The following CTNNA3 variants were observed in gnomAD, a reference collection of about 807,000 sequenced individuals.
CTNNA3 encodes catenin alpha 3.
A neutral mutation model predicts 95.7 loss-of-function variants in CTNNA3; 76 were observed. The observed-to-expected ratio is 0.79, with a 90% confidence interval of 0.66 to 0.96. The LOEUF (loss-of-function observed/expected upper bound fraction) is 0.96, where lower values mean the gene tolerates loss of function less well. Among genes scored for constraint, CTNNA3 ranks in the 40% least tolerant of loss-of-function variants. CTNNA3 has a pLI of 0.00. For missense variants in CTNNA3, 1,191 were observed against 1,089.8 expected (o/e 1.09, Z -1.31); for synonymous variants, 431 against 374.4 (o/e 1.15, Z -1.74).
intron 12 of CTNNA3, among the ~76,000 whole-genome samples, chr10:66,375,933 AACCTGTATTTGCCATC>A (rs1256845382): frequency 6.6e-6 from 1 of 152,288 alleles, no homozygotes; most frequent in East Asian, 1.9e-4. Flanking sequence ...TTGATGAATG[AACCTGTATTTGCCATC>A]ACTGCCAGTT....
intron 9 of CTNNA3, among the ~76,000 whole-genome samples, chr10:66,682,380 G>A (rs1184391138): frequency 1.3e-5 from 2 of 152,076 alleles, no homozygotes; most frequent in East Asian, 1.9e-4. Flanking sequence ...AAATCTTGTT[G>A]TATAAGAATT....
At chr10:66,331,371 T>G (rs2092328424) in intron 12 of CTNNA3, among the ~76,000 whole-genome samples, 1 of 74,844 alleles carries the variant, frequency 1.3e-5, no homozygotes, top group East Asian at 5.0e-4. Flanking sequence ...TTTTTTTTTT[T>G]GAGACGGAGT....
intron 12 of CTNNA3, among the ~76,000 whole-genome samples, chr10:66,309,562 CACCT>C (rs2091979413): frequency 6.6e-6 from 1 of 151,494 alleles, no homozygotes; most frequent in African/African-American, 2.4e-5. Context: ...TGGTGGCGGG[CACCT>C]GTAGTCCCAG....
At chr10:67,444,898 A>G (rs1846680806) in intron 5 of CTNNA3, among the ~76,000 whole-genome samples, 1 of 152,168 alleles carries the variant, frequency 6.6e-6, no homozygotes, top group Non-Finnish European at 1.5e-5. Flanking sequence ...GATCCAAGCC[A>G]TAATAAAGTG....
intron 15 of CTNNA3, among the ~76,000 whole-genome samples, chr10:66,062,075 T>G (rs545260571): frequency 1.3e-5 from 2 of 152,234 alleles, no homozygotes; most frequent in South Asian, 4.2e-4. Context: ...GGGCAATTTA[T>G]CTGACCTCTA....
chr10:67,576,941 T>A (rs1181672023), intron 3 of CTNNA3, among the ~76,000 whole-genome samples: 1 of 133,928 alleles, frequency 7.5e-6, no homozygotes, highest in Non-Finnish European at 1.5e-5. Context: ...ATTTTCTTAA[T>A]CCAGTCTATC....
At chr10:67,486,677 C>T (rs1848462218) in intron 5 of CTNNA3, among the ~76,000 whole-genome samples, 2 of 152,016 alleles carry the variant, frequency 1.3e-5, no homozygotes, top group African/African-American at 4.8e-5. Context: ...AGAGAAAGTG[C>T]CAAATAACTG....
chr10:65,959,081 C>T lies in CTNNA3; in HGVS notation c.2400+7531G>A, dbSNP rs571251165. 2.6e-5 allele frequency among the ~76,000 whole-genome samples: 4 copies of T among 152,340 alleles called. No individual in the cohort carries two copies. The South Asian group carries it at 8.3e-4, about 32-fold the overall frequency. On this transcript the variant is annotated intron_variant, in intron 17 of 17. Transcript: ENST00000433211. ...TGGCTGCTTTGTTTACCTACTCAAG[C>T]CTCAGCAATGGCAGACGCCCCTCCC...
At chr10:66,998,205 C>T (rs9633546) in intron 7 of CTNNA3, among the ~76,000 whole-genome samples, 43,895 of 152,102 alleles carry the variant, frequency 0.29, 7,368 homozygotes, top group African/African-American at 0.47. Flanking sequence ...GTCTCATCTA[C>T]CTTCCCATAT....
In CTNNA3 at chr10:67,648,713, A is replaced by G. The variant is rs997849256; in HGVS notation, c.-5-1195T>C. On this transcript the variant is annotated intron_variant, in intron 1 of 17. Coordinates refer to ENST00000433211, the MANE Select transcript of CTNNA3 (RefSeq NM_013266.4). ...TATGATACATCAACATATAAAGTCA[A>G]AGCCCTACAATTTAGCCCTGTTTTA... 2.3e-6 allele frequency: 3 copies of G among 1,287,772 alleles called. No homozygotes were observed. In the African/African-American group the frequency reaches 4.6e-5, roughly 20 times the overall value. The allele number at this position is 1,287,772 out of a possible 1,614,324, so 79.8% of individuals were successfully genotyped here.
At chr10:67,535,453 C>T (rs1840459388) in intron 4 of CTNNA3, among the ~76,000 whole-genome samples, 2 of 145,982 alleles carry the variant, frequency 1.4e-5, no homozygotes, top group African/African-American at 5.6e-5. Context: ...GTAACTTCTA[C>T]CTTTACATAA....
chr10:66,935,878 G>T (rs1284369432), intron 7 of CTNNA3, among the ~76,000 whole-genome samples: 1 of 151,394 alleles, frequency 6.6e-6, no homozygotes, highest in Admixed American at 6.6e-5. Context: ...TTCTTTATAG[G>T]ACTGCTCTAA....
chr10:67,577,215 G>A (rs1239165646), intron 3 of CTNNA3, among the ~76,000 whole-genome samples: 2 of 151,810 alleles, frequency 1.3e-5, no homozygotes, highest in Non-Finnish European at 2.9e-5. Context: ...TCCAGCACCT[G>A]TTGTTTCCTG....
chr10:67,460,254 T>G (rs970117166), intron 5 of CTNNA3, among the ~76,000 whole-genome samples: 14 of 152,140 alleles, frequency 9.2e-5, no homozygotes, highest in Admixed American at 9.2e-4. Context: ...ATAGGGCCAC[T>G]GGTTGGACCT....
chr10:66,785,009 C>T (rs1012305), intron 7 of CTNNA3, among the ~76,000 whole-genome samples: 6,969 of 152,210 alleles, frequency 0.046, 573 homozygotes, highest in African/African-American at 0.16. Context: ...GAATGAATTC[C>T]AACATTTGAG....
chr10:67,482,030 C>G (rs1285882612), intron 5 of CTNNA3, among the ~76,000 whole-genome samples: 1 of 151,930 alleles, frequency 6.6e-6, no homozygotes, highest in African/African-American at 2.4e-5. Context: ...GCTTGTTTTT[C>G]TCAGGTTTGT....
In CTNNA3 at chr10:67,190,141, T is replaced by G. The variant is rs558434806; in HGVS notation, c.844-9621A>C. The stretch of plus-strand genomic sequence containing the variant: ...TGACTTACAGTGAAAGAAAACTCTA[T>G]GGCCTCTAGAAACAGAAATAATTGC... On this transcript the variant is annotated intron_variant, in intron 6 of 17. Coordinates refer to ENST00000433211, the MANE Select transcript of CTNNA3 (RefSeq NM_013266.4). Among the ~76,000 whole-genome samples, 7 of 152,256 alleles carry G rather than the reference T, an allele frequency of 4.6e-5. No homozygotes were observed. In the South Asian group the frequency reaches 1.0e-3, roughly 22 times the overall value.
chr10:67,690,903 C>G (rs1004540333), intron 1 of CTNNA3, among the ~76,000 whole-genome samples: 2 of 152,170 alleles, frequency 1.3e-5, no homozygotes, highest in Non-Finnish European at 2.9e-5. Context: ...CCCACGGTCT[C>G]CCTCTCCCTC....
At chr10:67,154,343 G>A (rs540182037) in intron 7 of CTNNA3, among the ~76,000 whole-genome samples, 8 of 152,052 alleles carry the variant, frequency 5.3e-5, no homozygotes, top group Admixed American at 4.6e-4. Flanking sequence ...TAAGGACAAC[G>A]AATTCTGCTA....
Sources: gnomAD v4.1 joint callset for allele counts (sites outside exome capture counted in the v4.1 genomes callset) on GRCh38, gnomAD v4.1.1 for gene constraint, MANE v1.5 for transcripts, NCBI Gene and HGNC (gene_info 2026-07-23, HGNC 2026-07-21) for gene names.